The following SLC35F3 variants were observed in gnomAD, a reference collection of about 807,000 sequenced individuals.
The protein encoded by SLC35F3 is putative thiamine transporter SLC35F3.
A neutral mutation model predicts 49.9 loss-of-function variants in SLC35F3; 25 were observed. The ratio of observed to expected loss-of-function variants is 0.50; its 90% confidence interval spans 0.37 to 0.70. SLC35F3 has a LOEUF of 0.70. Ranked by LOEUF, SLC35F3 falls within the 30% of genes least tolerant of loss-of-function variation. The pLI is 0.00. For synonymous variants in SLC35F3, 275 were observed against 265.4 expected (o/e 1.04, Z -0.35); for missense variants, 525 against 639.8 (o/e 0.82, Z 1.94).
intron 2 of SLC35F3, among the ~76,000 whole-genome samples, chr1:234,220,325 C>G (rs528774273): frequency 6.6e-6 from 1 of 152,142 alleles, no homozygotes; most frequent in African/African-American, 2.4e-5. Flanking sequence ...TGTGTACATG[C>G]TCATACGTGT....
intron 2 of SLC35F3, among the ~76,000 whole-genome samples, chr1:234,108,050 A>G (rs888282585): frequency 1.3e-4 from 20 of 151,302 alleles, no homozygotes; most frequent in African/African-American, 4.9e-4. Flanking sequence ...CCCCTAAGGA[A>G]AAAAAAGCAC....
chr1:234,308,569 C>T (rs118113502), intron 3 of SLC35F3, among the ~76,000 whole-genome samples: 1 of 150,608 alleles, frequency 6.6e-6, no homozygotes, highest in African/African-American at 2.4e-5. Context: ...AGATTAGACA[C>T]CCTGTCTTCC....
intron 3 of SLC35F3, among the ~76,000 whole-genome samples, chr1:234,249,476 A>T (rs1667701685): frequency 6.6e-6 from 1 of 152,102 alleles, no homozygotes; most frequent in African/African-American, 2.4e-5. Flanking sequence ...CTTGTGGCAC[A>T]TTTGGTGGGC....
chr1:234,180,217 C>T (rs758877752), intron 2 of SLC35F3, among the ~76,000 whole-genome samples: 1 of 152,142 alleles, frequency 6.6e-6, no homozygotes, highest in African/African-American at 2.4e-5. Context: ...CCCTCTTTTT[C>T]AAAAGGATGT....
intron 2 of SLC35F3, among the ~76,000 whole-genome samples, chr1:234,120,885 A>G (rs1665560432): frequency 6.6e-6 from 1 of 152,210 alleles, no homozygotes; most frequent in Non-Finnish European, 1.5e-5. Flanking sequence ...CATTTGCTAA[A>G]TCTAATCAAT....
At chr1:233,970,224 G>A (rs971908965) in intron 2 of SLC35F3, among the ~76,000 whole-genome samples, 3 of 152,262 alleles carry the variant, frequency 2.0e-5, no homozygotes, top group Non-Finnish European at 4.4e-5. Context: ...ATCAGAGTTA[G>A]CACCCGGCCA....
At chr1:234,152,682 A>G (rs1666093682) in intron 2 of SLC35F3, among the ~76,000 whole-genome samples, 1 of 152,214 alleles carries the variant, frequency 6.6e-6, no homozygotes, top group Non-Finnish European at 1.5e-5. Flanking sequence ...GTGCTGCAAT[A>G]AATATACGTG....
chr1:234,317,987 T>TCCTACTTC (rs556886611), intron 5 of SLC35F3, among the ~76,000 whole-genome samples: 53 of 152,342 alleles, frequency 3.5e-4, no homozygotes, highest in African/African-American at 1.3e-3. Context: ...CTGAAAGCCT[T>TCCTACTTC]CCTACTTCCT....
intron 2 of SLC35F3, among the ~76,000 whole-genome samples, chr1:234,120,957 G>A (rs1357730384): frequency 6.6e-6 from 1 of 151,942 alleles, no homozygotes; most frequent in Non-Finnish European, 1.5e-5. Context: ...CAGTTTTTTA[G>A]CATTTGGTCT....
chr1:234,102,438 G>A (rs980271841), intron 2 of SLC35F3, among the ~76,000 whole-genome samples: 1 of 152,164 alleles, frequency 6.6e-6, no homozygotes, highest in Admixed American at 6.5e-5. Flanking sequence ...ATCTGCTCAA[G>A]GAAAGAGACA....
intron 2 of SLC35F3, among the ~76,000 whole-genome samples, chr1:234,108,824 A>G (rs1665353860): frequency 7.1e-6 from 1 of 139,886 alleles, no homozygotes; most frequent in South Asian, 2.2e-4. Flanking sequence ...AGATATATAT[A>G]TATCTTTTTT....
At chr1:233,982,172 G>A (rs1026465266) in intron 2 of SLC35F3, among the ~76,000 whole-genome samples, 53 of 152,202 alleles carry the variant, frequency 3.5e-4, no homozygotes, top group Admixed American at 1.7e-3. Context: ...CAATCTGCCC[G>A]CCTCGGCCTT....
At chr1:234,077,667 C>G (rs1664812388) in intron 2 of SLC35F3, among the ~76,000 whole-genome samples, 1 of 152,196 alleles carries the variant, frequency 6.6e-6, no homozygotes, top group East Asian at 1.9e-4. Flanking sequence ...TACCACGGAT[C>G]AGGCACCCTT....
chr1:234,200,801 C>T (rs1666890349), intron 2 of SLC35F3, among the ~76,000 whole-genome samples: 1 of 152,198 alleles, frequency 6.6e-6, no homozygotes, highest in Non-Finnish European at 1.5e-5. Context: ...ATACTCTCGG[C>T]TTCATTGCAG....
At chr1:234,249,035 C>G (rs544739572) in intron 3 of SLC35F3, among the ~76,000 whole-genome samples, 1 of 152,242 alleles carries the variant, frequency 6.6e-6, no homozygotes, top group East Asian at 1.9e-4. Context: ...GGAATGCACC[C>G]CAGGAAGCAA....
rs965300771 is a variant in SLC35F3, at chr1:234,231,329, G to A, written c.284-88G>A. 3 of 1,161,454 alleles carry A rather than the reference G, an allele frequency of 2.6e-6. No individual in the cohort carries two copies. Among genetic ancestry groups the A allele is most frequent in the Non-Finnish European group, 3.5e-6 (3 of 850,808 alleles). 71.9% of individuals were successfully genotyped at this position (1,161,454 alleles called of 1,614,324 possible). Reference sequence around the variant, plus strand: ...ATCTCCCCGGGCCCCCAGGTAGCTGGTGGTGACAATGGCTGCAGGGCAGCG... The same window carrying A: ...ATCTCCCCGGGCCCCCAGGTAGCTGATGGTGACAATGGCTGCAGGGCAGCG... On this transcript the variant is annotated intron_variant, in intron 2 of 7. Transcript: ENST00000366618. The surrounding 1 kb of genome is among the most constrained non-coding windows in gnomAD (Gnocchi z 5.4).
rs111670959 is a variant in SLC35F3 at position 233,983,752 on chromosome 1, C to T, written c.283+77994C>T. Among the ~76,000 whole-genome samples, 1,295 of 152,296 alleles carry T rather than the reference C, an allele frequency of 8.5e-3. 17 individuals carry two copies. The highest frequency in any genetic ancestry group is 0.029 in the African/African-American group (1,192 of 41,562). ...CTTCAAATTAAAGTGAAATCTCCCA[C>T]TGGTGTTCTCACTGTAAAAGCAATA... is the stretch of plus-strand genomic sequence containing the variant. On this transcript the variant is annotated intron_variant, in intron 2 of 7. Transcript: ENST00000366618.
chr1:234,185,042 A>G (rs902325714), intron 2 of SLC35F3, among the ~76,000 whole-genome samples: 4 of 152,260 alleles, frequency 2.6e-5, no homozygotes, highest in Non-Finnish European at 5.9e-5. Flanking sequence ...ACCCTGCAAC[A>G]GGAGGGAAGC....
chr1:233,917,678 A>G, intron 2 of SLC35F3, among the ~76,000 whole-genome samples: 1 of 152,192 alleles, frequency 6.6e-6, no homozygotes, highest in Non-Finnish European at 1.5e-5. Flanking sequence ...CTCTTGCACT[A>G]CTGTACATTA....
Sources: allele counts gnomAD v4.1 joint callset (sites outside exome capture counted in the v4.1 genomes callset), GRCh38; gene constraint gnomAD v4.1.1; non-coding constraint Gnocchi (gnomAD v3.1); transcripts MANE v1.5; gene names NCBI Gene and HGNC (gene_info 2026-07-23, HGNC 2026-07-21).